JPH3: variants seen among roughly 807,000 people sequenced by gnomAD.
JPH3 encodes junctophilin-3.
JPH3 carries 11 observed loss-of-function variants against 59.6 expected under a neutral mutation model. The observed-to-expected ratio is 0.18, with a 90% CI of 0.12 to 0.31. The LOEUF (loss-of-function observed/expected upper bound fraction) is 0.31. Ranked by LOEUF, JPH3 falls within the 10% of genes least tolerant of loss-of-function variation. The probability of loss-of-function intolerance (pLI) is 1.00; values close to 1 mark genes in which losing one functional copy is unlikely to be tolerated. For synonymous variants in JPH3, 673 were observed against 483.6 expected (o/e 1.39, Z -5.14); for missense variants, 1,202 against 1,105.7 (o/e 1.09, Z -1.24).
At chr16:87,635,283 G>C (rs1305579008) in intron 1 of JPH3, among the ~76,000 whole-genome samples, 1 of 152,204 alleles carries the variant, frequency 6.6e-6, no homozygotes, top group African/African-American at 2.4e-5. Context: ...TGGAGCACCT[G>C]GTGAGGGCTG....
At chr16:87,645,065 C>G in intron 2 of JPH3, 30 bp downstream of exon 2, 1 of 1,576,736 alleles carries the variant, frequency 6.3e-7, no homozygotes, top group Non-Finnish European at 8.6e-7. Flanking sequence ...GGGGGCCCTT[C>G]TTGGTGCCCA....
chr16:87,676,666 G>A (rs1164984261), intron 2 of JPH3, among the ~76,000 whole-genome samples: 5 of 151,504 alleles, frequency 3.3e-5, no homozygotes, highest in African/African-American at 1.2e-4. Flanking sequence ...CCTGGGAGGC[G>A]GAGCTCGCAG....
chr16:87,667,057 G>A (rs1471572328), intron 2 of JPH3, among the ~76,000 whole-genome samples: 1 of 152,222 alleles, frequency 6.6e-6, no homozygotes, highest in Non-Finnish European at 1.5e-5. Context: ...GTGTGGCAGG[G>A]CCGTGCCCCC....
At chr16:87,667,339 G>C (rs2032895725) in intron 2 of JPH3, among the ~76,000 whole-genome samples, 1 of 152,246 alleles carries the variant, frequency 6.6e-6, no homozygotes, top group African/African-American at 2.4e-5. Context: ...TTAGGACGTG[G>C]ACCTACCTTG....
intron 1 of JPH3, among the ~76,000 whole-genome samples, chr16:87,623,917 G>C (rs78412804): frequency 4.3e-4 from 65 of 152,338 alleles, no homozygotes; most frequent in African/African-American, 1.5e-3. Context: ...CCACCATGGA[G>C]CCCCCATAAT....
Position 87,603,249 on chromosome 16 carries a change from G to A in JPH3, c.103G>A (p.Gly35Ser), listed in dbSNP as rs2030332319. Residue 35 changes from glycine to serine, a missense_variant, in exon 1 of 5, where the codon GGC (glycine) becomes AGC (serine). By Grantham distance (56) the Gly-to-Ser change is moderately conservative (BLOSUM62 0). Transcript: ENST00000284262. Reference sequence around the variant, plus strand: ...CCATGGCGTCTGCACCGGCCCCAAGGGCCAAGGCGAATACACCGGCTCGTG... The same window carrying A: ...CCATGGCGTCTGCACCGGCCCCAAGAGCCAAGGCGAATACACCGGCTCGTG... ...HGHGVCTGPK[G>S]QGEYTGSWSH... 2.5e-6 allele frequency: 4 copies of A among 1,613,866 alleles called. No homozygotes were observed. The highest frequency in any genetic ancestry group is 3.4e-6 in the Non-Finnish European group (4 of 1,179,938).
chr16:87,655,891 G>A (rs1019311078), intron 2 of JPH3, among the ~76,000 whole-genome samples: 2 of 152,168 alleles, frequency 1.3e-5, no homozygotes, highest in African/African-American at 4.8e-5. Flanking sequence ...GTCCGCTCAG[G>A]GGTCTCACTT....
chr16:87,695,801 A>G (rs770983821), intron 4 of JPH3: 1 of 456,062 alleles, frequency 2.2e-6, no homozygotes, highest in South Asian at 1.5e-5. Flanking sequence ...CGCCCCCGGA[A>G]AAGGCTCTGT....
intron 1 of JPH3, among the ~76,000 whole-genome samples, chr16:87,643,744 A>C (rs990874121): frequency 6.6e-6 from 1 of 152,192 alleles, no homozygotes; most frequent in Non-Finnish European, 1.5e-5. Flanking sequence ...TCTAGCCATG[A>C]GAAGCAGGAT....
At chr16:87,629,634 G>A (rs1045579707) in intron 1 of JPH3, among the ~76,000 whole-genome samples, 21 of 150,072 alleles carry the variant, frequency 1.4e-4, no homozygotes, top group Admixed American at 1.1e-3. Flanking sequence ...CGTTCTGGAA[G>A]AGGTGGAACT....
chr16:87,686,198 C>T (rs560181358), intron 3 of JPH3, among the ~76,000 whole-genome samples: 81 of 152,326 alleles, frequency 5.3e-4, no homozygotes, highest in African/African-American at 1.9e-3. Flanking sequence ...TGCTTTACTG[C>T]TCCAGTCCCA....
intron 2 of JPH3, among the ~76,000 whole-genome samples, chr16:87,648,066 C>T (rs533486339): frequency 5.1e-4 from 77 of 152,274 alleles, no homozygotes; most frequent in African/African-American, 1.8e-3. Context: ...GTGTCATCCT[C>T]CCCCAGCCCT....
intron 2 of JPH3, among the ~76,000 whole-genome samples, chr16:87,673,337 C>A (rs555295935): frequency 6.6e-6 from 1 of 151,730 alleles, no homozygotes; most frequent in East Asian, 1.9e-4. Context: ...AACTGATCTA[C>A]TGAATTACAG....
chr16:87,663,921 A>C (rs548155576), intron 2 of JPH3, among the ~76,000 whole-genome samples: 1 of 152,142 alleles, frequency 6.6e-6, no homozygotes, highest in Non-Finnish European at 1.5e-5. Context: ...GCGGTTTTGC[A>C]TGCAGTGATT....
At chr16:87,633,482 C>A (rs867556161) in intron 1 of JPH3, among the ~76,000 whole-genome samples, 3,425 of 144,142 alleles carry the variant, frequency 0.024, 127 homozygotes, top group African/African-American at 0.083. Flanking sequence ...TAAGATTAAC[C>A]AAAAAAAAAA....
intron 1 of JPH3, among the ~76,000 whole-genome samples, chr16:87,636,405 G>A (rs1402720136): frequency 6.6e-6 from 1 of 152,276 alleles, no homozygotes; most frequent in Non-Finnish European, 1.5e-5. Context: ...TGGCCGAGCT[G>A]ATGGTGCAGG....
At chr16:87,626,888 C>T (rs891948259) in intron 1 of JPH3, among the ~76,000 whole-genome samples, 35 of 152,294 alleles carry the variant, frequency 2.3e-4, no homozygotes, top group African/African-American at 8.2e-4. Flanking sequence ...GCCTGTAATC[C>T]CAGCACTTTG....
intron 2 of JPH3, among the ~76,000 whole-genome samples, chr16:87,656,697 C>G (rs555176695): frequency 6.6e-6 from 1 of 152,306 alleles, no homozygotes; most frequent in South Asian, 2.1e-4. Context: ...CGAGGAGGAA[C>G]GGGGGCCCCT....
Position 87,644,862 on chromosome 16 carries a change from G to C in JPH3, c.987G>C (p.Pro329=). The change falls in exon 2 of 5, where the codon CCG becomes CCC. Residue 329 remains proline (P), a synonymous_variant. Transcript: ENST00000284262. ...ATGGCTACGGCTGCATGACCTTCCCGGACGGCACCAAGGAGGAGGGCAAGT... is the reference window on the plus strand; with the variant it reads ...ATGGCTACGGCTGCATGACCTTCCCCGACGGCACCAAGGAGGAGGGCAAGT... ...RRHGYGCMTF[P]DGTKEEGKYK... The C allele has an allele frequency of 6.2e-7, 1 of 1,613,434 alleles. No individual in the cohort carries two copies.
Sources: allele counts gnomAD v4.1 joint callset (sites outside exome capture counted in the v4.1 genomes callset), GRCh38; gene constraint gnomAD v4.1.1; transcripts MANE v1.5; gene names NCBI Gene and HGNC (gene_info 2026-07-23, HGNC 2026-07-21).